TMCC1: variants seen among roughly 807,000 people sequenced by gnomAD.
TMCC1 encodes the protein transmembrane and coiled-coil domain family 1.
A neutral mutation model predicts 52.4 loss-of-function variants in TMCC1; 15 were observed. That is an observed-to-expected ratio of 0.29 (90% CI 0.19 to 0.44). The LOEUF is 0.44. Ranked by LOEUF, TMCC1 falls within the 20% of genes least tolerant of loss-of-function variation. The probability of loss-of-function intolerance (pLI) is 1.00; values close to 1 mark genes in which losing one functional copy is unlikely to be tolerated. For synonymous variants in TMCC1, 279 were observed against 301.9 expected (o/e 0.92, Z 0.79); for missense variants, 503 against 806.0 (o/e 0.62, Z 4.55).
chr3:129,666,925 G>A (rs572114124), intron 5 of TMCC1, among the ~76,000 whole-genome samples: 4 of 150,550 alleles, frequency 2.7e-5, no homozygotes, highest in South Asian at 2.1e-4. Context: ...TTTTTGAGAC[G>A]GAGTCTCACT....
At chr3:129,820,822 A>T (rs2058378604) in intron 4 of TMCC1, among the ~76,000 whole-genome samples, 1 of 152,242 alleles carries the variant, frequency 6.6e-6, no homozygotes, top group South Asian at 2.1e-4. Flanking sequence ...ATTATAGGCC[A>T]GTAAAACTGC....
chr3:129,732,752 T>C (rs1026000668), intron 4 of TMCC1, among the ~76,000 whole-genome samples: 3 of 152,192 alleles, frequency 2.0e-5, no homozygotes, highest in African/African-American at 4.8e-5. Context: ...AATGGTTCCC[T>C]AAAATCAGAG....
intron 1 of TMCC1, among the ~76,000 whole-genome samples, chr3:129,892,175 G>A (rs555637127): frequency 3.3e-5 from 5 of 152,248 alleles, no homozygotes; most frequent in East Asian, 3.9e-4. Context: ...AATTTTTAAC[G>A]TCTAAAATTT....
chr3:129,875,209 C>T (rs1394032021), intron 2 of TMCC1, among the ~76,000 whole-genome samples: 1 of 151,558 alleles, frequency 6.6e-6, no homozygotes, highest in East Asian at 1.9e-4. Context: ...AAAAAAATGG[C>T]CAGGTGCGGT....
intron 4 of TMCC1, among the ~76,000 whole-genome samples, chr3:129,805,350 A>T (rs1159841835): frequency 6.6e-6 from 1 of 151,936 alleles, no homozygotes; most frequent in Non-Finnish European, 1.5e-5. Flanking sequence ...TTTTGTAGAG[A>T]TAGGGTTTTG....
At chr3:129,708,058 T>C (rs1401453504) in intron 4 of TMCC1, among the ~76,000 whole-genome samples, 1 of 152,226 alleles carries the variant, frequency 6.6e-6, no homozygotes, top group African/African-American at 2.4e-5. Context: ...TTTAGTGCTT[T>C]GTCTTGCACG....
intron 4 of TMCC1, among the ~76,000 whole-genome samples, chr3:129,726,102 G>A (rs573128474): frequency 1.6e-4 from 24 of 152,254 alleles, no homozygotes; most frequent in Middle Eastern, 3.4e-3. Flanking sequence ...AAAGGGAATA[G>A]GCATTAATAT....
At chr3:129,868,405 TAA>T (rs2060755365) in intron 2 of TMCC1, among the ~76,000 whole-genome samples, 1 of 152,224 alleles carries the variant, frequency 6.6e-6, no homozygotes, top group Non-Finnish European at 1.5e-5. Flanking sequence ...TGGAATTTGA[TAA>T]AGACTCCTCA....
intron 4 of TMCC1, among the ~76,000 whole-genome samples, chr3:129,727,351 A>T (rs1329642762): frequency 2.6e-5 from 4 of 152,162 alleles, no homozygotes; most frequent in African/African-American, 7.2e-5. Context: ...CTATAGTGCT[A>T]TGTGAGGTTT....
At chr3:129,688,852 T>C (rs926423632) in intron 4 of TMCC1, 17 of 563,306 alleles carry the variant, frequency 3.0e-5, no homozygotes, top group Admixed American at 6.3e-5. Flanking sequence ...CTACAGGGTA[T>C]TAATTCAACA....
intron 4 of TMCC1, among the ~76,000 whole-genome samples, chr3:129,682,962 A>C (rs1405073392): frequency 2.6e-5 from 4 of 152,148 alleles, no homozygotes; most frequent in African/African-American, 9.7e-5. Flanking sequence ...CAGACTCCTG[A>C]GTAGCTGGGA....
intron 4 of TMCC1, among the ~76,000 whole-genome samples, chr3:129,769,457 T>C (rs1436629189): frequency 6.6e-6 from 1 of 152,024 alleles, no homozygotes; most frequent in Non-Finnish European, 1.5e-5. Context: ...CTCGAACTCA[T>C]GACCTCAGGT....
intron 6 of TMCC1, among the ~76,000 whole-genome samples, chr3:129,654,250 G>A (rs1020118609): frequency 1.3e-5 from 2 of 152,144 alleles, no homozygotes; most frequent in African/African-American, 4.8e-5. Flanking sequence ...GACAGACAAT[G>A]GATGCTGTCC....
In TMCC1 at chr3:129,880,384, C is replaced by T. The variant is rs1008138345; in HGVS notation, c.-259G>A. On this transcript the variant is annotated 5_prime_UTR_variant, in exon 2 of 7. Coordinates refer to ENST00000393238, the MANE Select transcript of TMCC1 (RefSeq NM_001017395.5). The stretch of plus-strand genomic sequence containing the variant: ...AACAGTTGTAATCCAAAAGGTTTCC[C>T]AAAAAGTTATTTTTTAAAAAGACAT... 3.3e-5 allele frequency: 5 copies of T among 152,016 alleles called. No homozygotes were observed. Among genetic ancestry groups the T allele is most frequent in the African/African-American group, 1.2e-4 (5 of 41,376 alleles). The allele number at this position is 152,016 out of a possible 1,614,324, so 9.4% of individuals were successfully genotyped here. A position where few individuals can be genotyped will look rare whatever the true frequency, so the allele number is the denominator to read the frequency against.
At chr3:129,863,696 T>A (rs1052896931) in intron 2 of TMCC1, among the ~76,000 whole-genome samples, 8 of 152,104 alleles carry the variant, frequency 5.3e-5, no homozygotes, top group African/African-American at 1.9e-4. Context: ...ACCCCGTCTC[T>A]ACTAAAAATA....
At chr3:129,723,089 A>G (rs183666568) in intron 4 of TMCC1, among the ~76,000 whole-genome samples, 144 of 152,310 alleles carry the variant, frequency 9.5e-4, no homozygotes, top group African/African-American at 3.4e-3. Context: ...GATCAACTAA[A>G]AAATGGCAAG....
At chr3:129,890,815 C>T (rs1166446214) in intron 1 of TMCC1, among the ~76,000 whole-genome samples, 1 of 152,124 alleles carries the variant, frequency 6.6e-6, no homozygotes, top group Non-Finnish European at 1.5e-5. Flanking sequence ...TGGAATTTTC[C>T]AGAAGAGTTT....
At chr3:129,766,575 G>A (rs1271736024) in intron 4 of TMCC1, among the ~76,000 whole-genome samples, 1 of 152,120 alleles carries the variant, frequency 6.6e-6, no homozygotes, top group Non-Finnish European at 1.5e-5. Context: ...TATTTAGATT[G>A]TATGACAATG....
chr3:129,828,380 A>T lies in TMCC1; in HGVS notation c.-2T>A. The stretch of plus-strand genomic sequence containing the variant: ...CTGTTCACTGCCCGAAGGCTCCATC[A>T]GTAGACTTAATATGCTTATTTGCAA... On this transcript the variant is annotated 5_prime_UTR_variant, in exon 4 of 7. Coordinates refer to ENST00000393238, the MANE Select transcript of TMCC1 (RefSeq NM_001017395.5). The surrounding 1 kb of genome is among the most constrained non-coding windows in gnomAD (Gnocchi z 4.1). 6.2e-7 allele frequency: 1 copy of T among 1,612,298 alleles called. No homozygotes were observed. The highest frequency in any genetic ancestry group is 8.5e-7 in the Non-Finnish European group (1 of 1,179,108).
Sources: gnomAD v4.1 joint callset for allele counts (sites outside exome capture counted in the v4.1 genomes callset) on GRCh38, gnomAD v4.1.1 for gene constraint, Gnocchi (gnomAD v3.1) non-coding constraint, MANE v1.5 for transcripts, NCBI Gene and HGNC (gene_info 2026-07-23, HGNC 2026-07-21) for gene names.